The following GAR1 variants were observed in gnomAD, a reference collection of about 807,000 sequenced individuals.
GAR1 encodes H/ACA ribonucleoprotein complex subunit 1.
In GAR1, 11 loss-of-function variants were observed where a neutral mutation model predicts 29.3. The observed-to-expected ratio is 0.38, with a 90% CI of 0.24 to 0.62. The LOEUF (loss-of-function observed/expected upper bound fraction) is 0.62. Among genes scored for constraint, GAR1 ranks in the 20% least tolerant of loss-of-function variants. The pLI is 0.62. For missense variants in GAR1, 237 were observed against 268.4 expected (o/e 0.88, Z 0.82); for synonymous variants, 87 against 93.3 (o/e 0.93, Z 0.39).
intron 3 of GAR1, among the ~76,000 whole-genome samples, chr4:109,818,413 C>G (rs555092866): frequency 6.6e-6 from 1 of 152,166 alleles, no homozygotes; most frequent in African/African-American, 2.4e-5. Flanking sequence ...GCCCCCACTA[C>G]TCTGGAAACT....
chr4:109,816,149 T>C lies in GAR1; in HGVS notation c.-12-4T>C. ...GAAGACATAGGTCGTTTTTTTTTCATCAGGGAGGAGAGAGAATGTCTTTTC... is the reference window on the plus strand; with the variant it reads ...GAAGACATAGGTCGTTTTTTTTTCACCAGGGAGGAGAGAGAATGTCTTTTC... On this transcript the variant is annotated splice_region_variant and splice_polypyrimidine_tract_variant and intron_variant, in intron 1 of 6. Transcript: ENST00000226796. The C allele has an allele frequency of 6.3e-7, 1 of 1,582,174 alleles. No homozygotes were observed. Among genetic ancestry groups the C allele is most frequent in the Non-Finnish European group, 8.7e-7 (1 of 1,154,386 alleles).
intron 4 of GAR1, among the ~76,000 whole-genome samples, chr4:109,820,592 A>G (rs1235391990): frequency 6.6e-6 from 1 of 152,100 alleles, no homozygotes; most frequent in Non-Finnish European, 1.5e-5. Context: ...AAGGCAAACC[A>G]CAAGCCTGTC....
rs1033889428 is a variant in GAR1, at chr4:109,818,479, CTCTT to C, written c.369+393_369+396del. Among the ~76,000 whole-genome samples, 5 of 143,644 alleles carry C rather than the reference CTCTT, an allele frequency of 3.5e-5. 1 individual carries two copies. In the South Asian group the frequency reaches 6.3e-4, roughly 18 times the overall value. The allele number at this position is 143,644 out of a possible 152,430, so 94.2% of individuals were successfully genotyped here. On this transcript the variant is annotated intron_variant, in intron 3 of 6. Coordinates refer to ENST00000226796, the MANE Select transcript of GAR1 (RefSeq NM_018983.4). ...TCTTTCTCTCTTTCTTTCTTTCTCT[CTCTT>C]TCTCTCTCTCTTTCTTTCTCTCTCT...
At chr4:109,818,517 C>T (rs1733414945) in intron 3 of GAR1, among the ~76,000 whole-genome samples, 1 of 150,612 alleles carries the variant, frequency 6.6e-6, no homozygotes, top group African/African-American at 2.4e-5. Context: ...CTTGCTCTTT[C>T]CCTGCCTTCT....
rs1435216104 is a variant in GAR1, at chr4:109,823,956, G to A, written c.572-9G>A. ...TACTTTGCGTTATTATTTAATAAAT[G>A]TTTTTTAGGTGGTTTTAGAGGTGGA... On this transcript the variant is annotated splice_polypyrimidine_tract_variant and intron_variant, in intron 5 of 6. Transcript: ENST00000226796. 1 of 1,571,546 alleles carries A rather than the reference G, an allele frequency of 6.4e-7. No homozygotes were observed. The highest frequency in any genetic ancestry group is 1.4e-5 in the African/African-American group (1 of 74,060).
In GAR1 at chr4:109,818,087, T is replaced by C; in HGVS notation, c.366T>C (p.Asp122=). The change falls in exon 3 of 7, where the codon GAT becomes GAC. Residue 122 remains aspartate (D), a synonymous_variant. Transcript: ENST00000226796. ...KVDEIFGQLR[D]FYFSVKLSEN... is the part of the protein sequence containing the mutation. ...ATGAAATATTTGGACAACTCAGAGA[T>C]TTTGTATCCTTTTTCATTGGAAGGC... is the stretch of plus-strand genomic sequence containing the variant. The C allele has an allele frequency of 6.3e-7, 1 of 1,591,056 alleles. No homozygotes were observed.
intron 1 of GAR1, 50 bp from the exon 2 acceptor site, chr4:109,816,103 A>T (rs1733340932): frequency 6.5e-7 from 1 of 1,537,102 alleles, no homozygotes; most frequent in South Asian, 1.1e-5. Context: ...GTTGGAGTAT[A>T]CTCAGAGGCT....
In GAR1 at chr4:109,822,332, CTATTA is replaced by C; in HGVS notation, c.430-13_430-9del. The C allele has an allele frequency of 2.0e-6, 3 of 1,477,348 alleles. No individual in the cohort carries two copies. Among genetic ancestry groups the C allele is most frequent in the Non-Finnish European group, 2.8e-6 (3 of 1,079,640 alleles). 91.5% of individuals were successfully genotyped at this position (1,477,348 alleles called of 1,614,324 possible). Reference sequence around the variant, plus strand: ...CCCCCAAGTTGTATACTAATTGCTTCTATTATGTTTCCAGTTTTATATAGACCCAT... The same window carrying C: ...CCCCCAAGTTGTATACTAATTGCTTCTGTTTCCAGTTTTATATAGACCCAT... On this transcript the variant is annotated splice_polypyrimidine_tract_variant and intron_variant, in intron 4 of 6. Transcript: ENST00000226796.
chr4:109,818,156 C>G lies in GAR1; in HGVS notation c.369+66C>G, dbSNP rs1733404243. On this transcript the variant is annotated intron_variant, in intron 3 of 6. Transcript: ENST00000226796. ...TGCTATTTGCATTTTTCTGAGGAGG[C>G]AGTTAAGTATAAATTAAAGTTGTTG... 1.6e-5 allele frequency: 18 copies of G among 1,133,702 alleles called. No homozygotes were observed. In the South Asian group the frequency reaches 2.3e-4, roughly 14 times the overall value. 70.2% of individuals were successfully genotyped at this position (1,133,702 alleles called of 1,614,324 possible).
In GAR1 at chr4:109,816,344, A is replaced by G; in HGVS notation, c.180A>G (p.Lys60=). The change falls in exon 2 of 7, where the codon AAA becomes AAG. Residue 60 remains lysine, a synonymous_variant. Transcript: ENST00000226796. The part of the protein sequence containing the change: ...GRGGGRGGFN[K]GQDQGPPERV... Reference sequence around the variant, plus strand: ...GGGGTGGCCGCGGAGGCTTTAACAAAGGCCAAGACCAAGGACCTCCAGAAC... The same window carrying G: ...GGGGTGGCCGCGGAGGCTTTAACAAGGGCCAAGACCAAGGACCTCCAGAAC... The G allele has an allele frequency of 6.2e-7, 1 of 1,613,880 alleles. No individual in the cohort carries two copies. Among genetic ancestry groups the G allele is most frequent in the Non-Finnish European group, 8.5e-7 (1 of 1,180,004 alleles).
chr4:109,820,618 C>T (rs1446932628), intron 4 of GAR1, among the ~76,000 whole-genome samples: 5 of 151,456 alleles, frequency 3.3e-5, no homozygotes, highest in African/African-American at 1.2e-4. Context: ...AGTGGTATCA[C>T]AAAAATTGAA....
chr4:109,820,830 G>A (rs1466097062), intron 4 of GAR1, among the ~76,000 whole-genome samples: 1 of 152,092 alleles, frequency 6.6e-6, no homozygotes, highest in African/African-American at 2.4e-5. Context: ...CAAGTACTCA[G>A]GGGATTGACT....
intron 2 of GAR1, 75 bp from the exon 3 acceptor site, chr4:109,817,861 G>C: frequency 7.8e-7 from 1 of 1,274,722 alleles, no homozygotes; most frequent in Non-Finnish European, 1.1e-6. Flanking sequence ...TAGCCAAAAA[G>C]AAAGCTTCCA....
chr4:109,818,940 C>A, intron 3 of GAR1, 61 bp from the exon 4 acceptor site: 1 of 744,174 alleles, frequency 1.3e-6, no homozygotes, highest in Non-Finnish European at 2.4e-6. Flanking sequence ...TACATGAATT[C>A]AGAACATTTG....
intron 6 of GAR1, 54 bp downstream of exon 6, chr4:109,824,087 T>C: frequency 1.7e-6 from 2 of 1,171,380 alleles, no homozygotes; most frequent in Non-Finnish European, 2.5e-6. Flanking sequence ...TGATATTATC[T>C]GGCATTTTCT....
chr4:109,816,432 T>G, intron 2 of GAR1, 54 bp downstream of exon 2: 1 of 1,548,388 alleles, frequency 6.5e-7, no homozygotes, highest in Non-Finnish European at 8.9e-7. Flanking sequence ...GGGTTGGGGG[T>G]TTGTGTTGTT....
intron 2 of GAR1, among the ~76,000 whole-genome samples, chr4:109,817,247 A>C (rs1259210600): frequency 1.3e-5 from 2 of 152,330 alleles, no homozygotes; most frequent in African/African-American, 4.8e-5. Flanking sequence ...TTCAAAGGAA[A>C]CAAAATCGGT....
At chr4:109,817,250 A>C (rs1053054784) in intron 2 of GAR1, among the ~76,000 whole-genome samples, 5 of 152,232 alleles carry the variant, frequency 3.3e-5, no homozygotes, top group East Asian at 3.8e-4. Flanking sequence ...AAAGGAAACA[A>C]AATCGGTAGA....
In GAR1 at chr4:109,819,077, A is replaced by T; in HGVS notation, c.429+17A>T. ...CTACAGAAGGTGAGTCAAACTTATG[A>T]TACTTGGGATCCTTGGTTTTATAAG... On this transcript the variant is annotated intron_variant, in intron 4 of 6. Coordinates refer to ENST00000226796, the MANE Select transcript of GAR1 (RefSeq NM_018983.4). The T allele has an allele frequency of 7.4e-7, 1 of 1,359,300 alleles. No individual in the cohort carries two copies. Among genetic ancestry groups the T allele is most frequent in the Non-Finnish European group, 1.1e-6 (1 of 948,300 alleles). 84.2% of individuals were successfully genotyped at this position (1,359,300 alleles called of 1,614,324 possible).
Sources: gnomAD v4.1 joint callset for allele counts (sites outside exome capture counted in the v4.1 genomes callset) on GRCh38, gnomAD v4.1.1 for gene constraint, MANE v1.5 for transcripts, NCBI Gene and HGNC (gene_info 2026-07-23, HGNC 2026-07-21) for gene names.